Variants in NFATC3 observed in about 807,000 individuals in gnomAD.
NFATC3 encodes nuclear factor of activated T cells 3, also known as nuclear factor of activated T-cells, cytoplasmic 3.
In NFATC3, 46 loss-of-function variants were observed where a neutral mutation model predicts 98.6. The observed-to-expected ratio is 0.47, with a 90% CI of 0.37 to 0.60. The LOEUF (loss-of-function observed/expected upper bound fraction) is 0.60. Ranked by LOEUF, NFATC3 falls within the 20% of genes least tolerant of loss-of-function variation. NFATC3 has a pLI of 0.00. For synonymous variants in NFATC3, 512 were observed against 472.2 expected, an observed-to-expected ratio of 1.08 and a Z score of -1.09; for missense variants, 1,256 against 1,295.5, an observed-to-expected ratio of 0.97 and a Z score of 0.47.
At chr16:68,129,488 G>T (rs1421145108) in intron 3 of NFATC3, among the ~76,000 whole-genome samples, 1 of 151,972 alleles carries the variant, frequency 6.6e-6, no homozygotes, top group Non-Finnish European at 1.5e-5. Flanking sequence ...TTCAATCTGA[G>T]ATTCTTTCTT....
chr16:68,177,637 C>A (rs1465671374), intron 6 of NFATC3, among the ~76,000 whole-genome samples: 2 of 151,686 alleles, frequency 1.3e-5, no homozygotes, highest in Non-Finnish European at 2.9e-5. Flanking sequence ...TGTTTTCATT[C>A]TTTTGTCTTT....
intron 1 of NFATC3, among the ~76,000 whole-genome samples, chr16:68,114,577 TTTTTTTTTTTTTTTTTGAGACGGAGTC>T (rs1041898111): frequency 1.1e-5 from 1 of 91,240 alleles, no homozygotes; most frequent in African/African-American, 4.7e-5. Flanking sequence ...GGAAAAGCAC[TTTTTTTTTTTTTTTTTGAGACGGAGTC>T]TTGCTTTGTT....
chr16:68,166,254 T>C (rs2039187599), intron 4 of NFATC3, among the ~76,000 whole-genome samples: 1 of 152,240 alleles, frequency 6.6e-6, no homozygotes, highest in Non-Finnish European at 1.5e-5. Context: ...TTGGGTTGAC[T>C]GAGCTCAACT....
intron 9 of NFATC3, among the ~76,000 whole-genome samples, chr16:68,218,575 CT>C (rs535788151): frequency 0.049 from 6,210 of 125,770 alleles, 431 homozygotes; most frequent in African/African-American, 0.16. Flanking sequence ...TTAGATGGTG[CT>C]TTTTTTTTTT....
chr16:68,112,650 T>C (rs1242294804), intron 1 of NFATC3, among the ~76,000 whole-genome samples: 31 of 130,542 alleles, frequency 2.4e-4, no homozygotes, highest in African/African-American at 8.7e-4. Context: ...TTTTTCGTTT[T>C]TTTTTTTTTT....
At chr16:68,167,525 A>G (rs1340784173) in intron 5 of NFATC3, among the ~76,000 whole-genome samples, 1 of 152,152 alleles carries the variant, frequency 6.6e-6, no homozygotes, top group Non-Finnish European at 1.5e-5. Flanking sequence ...GATACAAGAA[A>G]AGACCCTGCA....
intron 2 of NFATC3, among the ~76,000 whole-genome samples, chr16:68,124,277 A>AT (rs1245774290): frequency 2.0e-5 from 3 of 151,088 alleles, no homozygotes; most frequent in Non-Finnish European, 3.0e-5. Context: ...ATTTAAAAAA[A>AT]TTTTTTTTGT....
At chr16:68,141,781 AT>A (rs1187690006) in intron 3 of NFATC3, among the ~76,000 whole-genome samples, 1 of 151,902 alleles carries the variant, frequency 6.6e-6, no homozygotes, top group Non-Finnish European at 1.5e-5. Flanking sequence ...TGCGATGATT[AT>A]TTCTTCCACA....
intron 9 of NFATC3, among the ~76,000 whole-genome samples, chr16:68,218,966 C>A (rs937558779): frequency 1.3e-5 from 2 of 151,436 alleles, no homozygotes; most frequent in Non-Finnish European, 2.9e-5. Flanking sequence ...CGGCTGGGCA[C>A]GGTGATTCAT....
At chr16:68,129,080 G>A (rs1346241758) in intron 3 of NFATC3, among the ~76,000 whole-genome samples, 1 of 152,162 alleles carries the variant, frequency 6.6e-6, no homozygotes, top group Non-Finnish European at 1.5e-5. Context: ...GGGCAACAGA[G>A]ACCAACCCAG....
intron 1 of NFATC3, chr16:68,088,914 T>C: frequency 1.1e-6 from 1 of 946,708 alleles, no homozygotes; most frequent in Non-Finnish European, 1.3e-6. Context: ...TCTCCTGTTC[T>C]GGCTTCCCAA....
intron 1 of NFATC3, among the ~76,000 whole-genome samples, chr16:68,096,118 G>A (rs1020995168): frequency 1.3e-5 from 2 of 152,060 alleles, no homozygotes; most frequent in African/African-American, 4.8e-5. Flanking sequence ...TTGCCACCAT[G>A]CCCAGCTAAT....
chr16:68,108,138 A>G (rs1178413176), intron 1 of NFATC3, among the ~76,000 whole-genome samples: 2 of 152,124 alleles, frequency 1.3e-5, no homozygotes, highest in African/African-American at 4.8e-5. Flanking sequence ...TCATCAAGAA[A>G]TCTTTGCCCA....
chr16:68,112,370 T>C (rs1483727039), intron 1 of NFATC3, among the ~76,000 whole-genome samples: 3 of 141,186 alleles, frequency 2.1e-5, no homozygotes, highest in Non-Finnish European at 4.5e-5. Flanking sequence ...CTCCACCTCC[T>C]GGGTTCAAGC....
chr16:68,207,368 G>C (rs1004125811), intron 9 of NFATC3, among the ~76,000 whole-genome samples: 9 of 152,072 alleles, frequency 5.9e-5, no homozygotes, highest in Non-Finnish European at 1.2e-4. Context: ...GAATAATGCT[G>C]CTGTGAACAC....
intron 6 of NFATC3, among the ~76,000 whole-genome samples, chr16:68,176,804 G>A (rs1182130046): frequency 1.3e-5 from 2 of 152,002 alleles, no homozygotes; most frequent in Non-Finnish European, 2.9e-5. Context: ...AGTGATTTGG[G>A]GGAAGTGCTT....
At chr16:68,163,996 G>T (rs2039053627) in intron 4 of NFATC3, among the ~76,000 whole-genome samples, 1 of 151,984 alleles carries the variant, frequency 6.6e-6, no homozygotes, top group Non-Finnish European at 1.5e-5. Flanking sequence ...TTCCCAGACG[G>T]GGTGGCGGCC....
chr16:68,179,236 T>A (rs996038343), intron 6 of NFATC3, among the ~76,000 whole-genome samples: 6 of 152,200 alleles, frequency 3.9e-5, no homozygotes, highest in African/African-American at 1.4e-4. Context: ...GATCCCTGTG[T>A]TCTTGGTTTA....
intron 3 of NFATC3, among the ~76,000 whole-genome samples, chr16:68,129,843 A>G (rs1454336403): frequency 6.6e-6 from 1 of 151,728 alleles, no homozygotes; most frequent in Admixed American, 6.6e-5. Context: ...GCATCTGGCT[A>G]ATTTTTTAAT....
Sources: allele counts gnomAD v4.1 joint callset (sites outside exome capture counted in the v4.1 genomes callset), GRCh38; gene constraint gnomAD v4.1.1; transcripts MANE v1.5; gene names NCBI Gene and HGNC (gene_info 2026-07-23, HGNC 2026-07-21).